Variants in RBMS1 observed in about 807,000 individuals in gnomAD.
RBMS1 encodes the protein RNA-binding motif, single-stranded-interacting protein 1.
RBMS1 carries 17 observed loss-of-function variants against 62.3 expected under a neutral mutation model. The ratio of observed to expected loss-of-function variants is 0.27; its 90% CI spans 0.19 to 0.41. The LOEUF is 0.41. Ranked by LOEUF, RBMS1 falls within the 10% of genes least tolerant of loss-of-function variation. RBMS1 has a pLI of 1.00. For missense variants in RBMS1, 334 were observed against 504.5 expected (o/e 0.66, Z 3.24); for synonymous variants, 172 against 170.0 (o/e 1.01, Z -0.09).
At chr2:160,367,531 CT>C (rs1295830853) in intron 1 of RBMS1, 140 bp from the exon 2 acceptor site, 2 of 1,377,182 alleles carry the variant, frequency 1.5e-6, no homozygotes, top group Admixed American at 2.9e-5. Context: ...TAAAAAAGGT[CT>C]GTTCATGCTA....
chr2:160,357,809 C>T (rs1438761828), intron 2 of RBMS1, among the ~76,000 whole-genome samples: 2 of 152,058 alleles, frequency 1.3e-5, no homozygotes, highest in African/African-American at 2.4e-5. Flanking sequence ...GAAGACAAAC[C>T]GACTGACAGT....
At chr2:160,407,870 C>T in intron 1 of RBMS1, 1 of 981,258 alleles carries the variant, frequency 1.0e-6, no homozygotes, top group Non-Finnish European at 1.2e-6. Context: ...AGCGCCGCCG[C>T]GTCCCCACCT....
chr2:160,421,889 T>C (rs1344029788), intron 1 of RBMS1, among the ~76,000 whole-genome samples: 3 of 152,368 alleles, frequency 2.0e-5, no homozygotes, highest in Admixed American at 2.0e-4. Context: ...TGCATTTCTC[T>C]GATGGCCAGG....
Position 160,272,847 on chromosome 2 carries a change from T to A in RBMS1, c.*1925A>T, listed in dbSNP as rs1212489990. The A allele has an allele frequency of 6.6e-6, 1 of 152,254 alleles. No individual in the cohort carries two copies. Among genetic ancestry groups the A allele is most frequent in the Non-Finnish European group, 1.5e-5 (1 of 68,044 alleles). The allele number at this position is 152,254 out of a possible 1,614,324, so 9.4% of individuals were successfully genotyped here. ...AGAGCAGCAAGGACTTTTGAAACTA[T>A]GAAATGTCACTGACATCTATCATCA... On this transcript the variant is annotated 3_prime_UTR_variant, in exon 14 of 14. Transcript: ENST00000348849.
At chr2:160,344,735 T>C (rs2105998475) in intron 2 of RBMS1, among the ~76,000 whole-genome samples, 1 of 152,222 alleles carries the variant, frequency 6.6e-6, no homozygotes, top group Non-Finnish European at 1.5e-5. Context: ...AAACCCATTA[T>C]TACAGTACAG....
chr2:160,397,867 C>A lies in RBMS1; in HGVS notation c.76-30476G>T, dbSNP rs112351583. ...TTCTCCTTGGCTTCTGTGACACTCT[C>A]CGGATTCTCTCAGTTTTGTGCCACT... On this transcript the variant is annotated intron_variant, in intron 1 of 13. Coordinates refer to ENST00000348849, the MANE Select transcript of RBMS1 (RefSeq NM_016836.4). Among the ~76,000 whole-genome samples, 719 of 152,318 alleles carry A rather than the reference C, an allele frequency of 4.7e-3. 3 individuals are homozygous for A. Among genetic ancestry groups the A allele is most frequent in the African/African-American group, 0.016 (675 of 41,566 alleles).
chr2:160,278,289 T>A lies in RBMS1; in HGVS notation c.1062+259A>T, dbSNP rs1687936327. The A allele has an allele frequency of 6.0e-6, 3 of 498,770 alleles. No homozygotes were observed. The East Asian group carries it at 1.1e-4, about 19-fold the overall frequency. The allele number at this position is 498,770 out of a possible 1,614,324, so 30.9% of individuals were successfully genotyped here. A position where few individuals can be genotyped will look rare whatever the true frequency, so the allele number is the denominator to read the frequency against. On this transcript the variant is annotated intron_variant, in intron 11 of 13. Transcript: ENST00000348849. ...GTGGTACTAGTTATATAGATGACAC[T>A]AGTCATAAAAGGCTAGATGTGGTCA...
chr2:160,300,860 TA>T (rs1689173360), intron 5 of RBMS1, 130 bp from the exon 6 acceptor site: 1 of 1,047,920 alleles, frequency 9.5e-7, no homozygotes, highest in Admixed American at 3.5e-5. Flanking sequence ...GTGAATATGA[TA>T]AAGGGTCTAT....
chr2:160,491,113 A>C (rs1685806379), intron 1 of RBMS1, among the ~76,000 whole-genome samples: 1 of 151,932 alleles, frequency 6.6e-6, no homozygotes, highest in South Asian at 2.1e-4. Flanking sequence ...AGGGAGAGAA[A>C]AAAAAAAGGG....
chr2:160,379,146 T>C (rs1055253307), intron 1 of RBMS1, among the ~76,000 whole-genome samples: 5 of 151,834 alleles, frequency 3.3e-5, no homozygotes, highest in Non-Finnish European at 5.9e-5. Flanking sequence ...TTGAGCCCAG[T>C]TGGCAGAGGT....
chr2:160,493,364 G>T lies in RBMS1; in HGVS notation c.-1C>A. 6.2e-7 allele frequency: 1 copy of T among 1,613,258 alleles called. No homozygotes were observed. The highest frequency in any genetic ancestry group is 2.2e-5 in the East Asian group (1 of 44,774). On this transcript the variant is annotated 5_prime_UTR_variant, in exon 1 of 14. Transcript: ENST00000348849. ...TCTGCTGTTTCCACACTTTGCCCAT[G>T]AAGCTGGAAGGGAGCCTGCCGTGCA...
At chr2:160,369,216 C>T in intron 1 of RBMS1, among the ~76,000 whole-genome samples, 1 of 152,126 alleles carries the variant, frequency 6.6e-6, no homozygotes, top group Admixed American at 6.5e-5. Flanking sequence ...TGATTCATGC[C>T]CTTAATGAGC....
intron 1 of RBMS1, among the ~76,000 whole-genome samples, chr2:160,424,009 A>G (rs2105274048): frequency 6.6e-6 from 1 of 150,702 alleles, no homozygotes; most frequent in African/African-American, 2.4e-5. Flanking sequence ...GTTCAAGAAA[A>G]AAAGTGCCAT....
intron 1 of RBMS1, among the ~76,000 whole-genome samples, chr2:160,386,775 G>T (rs760495005): frequency 2.6e-5 from 4 of 152,142 alleles, no homozygotes; most frequent in Non-Finnish European, 5.9e-5. Context: ...GTGACAAATA[G>T]ATTTCTGTTG....
chr2:160,414,160 C>T (rs1574029103), intron 1 of RBMS1, among the ~76,000 whole-genome samples: 1 of 152,154 alleles, frequency 6.6e-6, no homozygotes, highest in Non-Finnish European at 1.5e-5. Flanking sequence ...ATTTCCATTC[C>T]ACTGAATATA....
chr2:160,277,191 C>T, intron 12 of RBMS1, 112 bp downstream of exon 12: 1 of 1,007,120 alleles, frequency 9.9e-7, no homozygotes. Flanking sequence ...TGGCTAAACG[C>T]AATTCTTTAT....
At chr2:160,474,872 A>C (rs1685061005) in intron 1 of RBMS1, among the ~76,000 whole-genome samples, 1 of 152,242 alleles carries the variant, frequency 6.6e-6, no homozygotes, top group South Asian at 2.1e-4. Flanking sequence ...TGTCCTGCAA[A>C]GTATTTTCAG....
intron 1 of RBMS1, among the ~76,000 whole-genome samples, chr2:160,429,647 T>A (rs191535594): frequency 6.6e-6 from 1 of 152,218 alleles, no homozygotes; most frequent in African/African-American, 2.4e-5. Flanking sequence ...AGCACACATA[T>A]GTTAAAGGTA....
chr2:160,316,022 A>G (rs1250572699), intron 3 of RBMS1, among the ~76,000 whole-genome samples: 1 of 152,210 alleles, frequency 6.6e-6, no homozygotes, highest in African/African-American at 2.4e-5. Flanking sequence ...TCAAAAAATT[A>G]GTATATAACA....
Sources: allele counts gnomAD v4.1 joint callset (sites outside exome capture counted in the v4.1 genomes callset), GRCh38; gene constraint gnomAD v4.1.1; transcripts MANE v1.5; gene names NCBI Gene and HGNC (gene_info 2026-07-23, HGNC 2026-07-21).